MAPK10: variants seen among roughly 807,000 people sequenced by gnomAD.
The protein encoded by MAPK10 is JNK3 alpha protein kinase.
MAPK10 carries 25 observed loss-of-function variants against 59.3 expected under a neutral mutation model. The observed-to-expected ratio is 0.42, with a 90% CI of 0.31 to 0.59. The LOEUF (loss-of-function observed/expected upper bound fraction) is 0.59. Among genes scored for constraint, MAPK10 ranks in the 20% least tolerant of loss-of-function variants. The probability of loss-of-function intolerance (pLI) is 0.15; values close to 1 mark genes in which losing one functional copy is unlikely to be tolerated. For missense variants in MAPK10, 351 were observed against 568.9 expected, an observed-to-expected ratio of 0.62 and a Z score of 3.90; for synonymous variants, 190 against 200.5, an observed-to-expected ratio of 0.95 and a Z score of 0.44.
chr4:86,552,395 C>G (rs1191267744), intron 1 of MAPK10, among the ~76,000 whole-genome samples: 1 of 146,984 alleles, frequency 6.8e-6, no homozygotes, highest in Non-Finnish European at 1.5e-5. Context: ...TAGTCCAGCC[C>G]AGGCAACAGA....
intron 9 of MAPK10, among the ~76,000 whole-genome samples, chr4:86,076,942 AATAAGT>A (rs1438675125): frequency 6.6e-6 from 1 of 152,176 alleles, no homozygotes; most frequent in African/African-American, 2.4e-5. Context: ...TCAGAAAAGC[AATAAGT>A]ATATTTTTTA....
intron 8 of MAPK10, 133 bp downstream of exon 8, chr4:86,100,919 A>AT: frequency 1.4e-6 from 1 of 702,268 alleles, no homozygotes; most frequent in Non-Finnish European, 2.3e-6. Flanking sequence ...TATTAAAAAA[A>AT]ACCCTGAATA....
rs138489945 is a variant in MAPK10 at position 86,330,504 on chromosome 4, T to C, written c.-7+24026A>G. Among the ~76,000 whole-genome samples the C allele has an allele frequency of 9.6e-3, 1,457 of 152,276 alleles. 21 individuals are homozygous for C. The highest frequency in any genetic ancestry group is 0.033 in the African/African-American group (1,356 of 41,556). The stretch of plus-strand genomic sequence containing the variant: ...ATGGGAGGGACCCAGTGGGAGGTAA[T>C]TGAATCATGGGGGCGGTTACCCCCA... On this transcript the variant is annotated intron_variant, in intron 2 of 13. Coordinates refer to ENST00000641462, the MANE Select transcript of MAPK10 (RefSeq NM_138982.4).
intron 2 of MAPK10, among the ~76,000 whole-genome samples, chr4:86,341,772 G>A (rs1725053942): frequency 6.7e-6 from 1 of 148,236 alleles, no homozygotes; most frequent in African/African-American, 2.5e-5. Flanking sequence ...ACCCCGATTA[G>A]GAAAAGAGAA....
Position 86,534,271 on chromosome 4 carries a change from A to G in MAPK10, c.-263+59639T>C, listed in dbSNP as rs1241405095. Among the ~76,000 whole-genome samples, 4 of 152,212 alleles carry G rather than the reference A, an allele frequency of 2.6e-5. No individual in the cohort carries two copies. In the East Asian group the frequency reaches 7.7e-4, roughly 29 times the overall value. ...CACAACACCAATACAGAAAAGACTT[A>G]GTTATAAAATTAACCACAGAATTTC... is the stretch of plus-strand genomic sequence containing the variant. On this transcript the variant is annotated intron_variant, in intron 1 of 4. Coordinates refer to the MAPK10 transcript ENST00000502302.
At chr4:86,516,700 T>C (rs938789717) in intron 1 of MAPK10, among the ~76,000 whole-genome samples, 1 of 152,210 alleles carries the variant, frequency 6.6e-6, no homozygotes, top group Non-Finnish European at 1.5e-5. Context: ...GTTGCATTCT[T>C]GATTTTTCAG....
At chr4:86,504,723 T>C (rs899135014) in intron 1 of MAPK10, among the ~76,000 whole-genome samples, 2 of 152,122 alleles carry the variant, frequency 1.3e-5, no homozygotes, top group South Asian at 2.1e-4. Flanking sequence ...CATCCTCCAA[T>C]TGATTTACTG....
chr4:86,372,564 G>GAAAGAAAGAAGGGAAAAGA, intron 1 of MAPK10, among the ~76,000 whole-genome samples: 1 of 78,690 alleles, frequency 1.3e-5, no homozygotes, highest in East Asian at 3.4e-4. Context: ...AAGAAAGAAA[G>GAAAGAAAGAAGGGAAAAGA]AAAGAAAAGA....
chr4:86,409,443 CA>C (rs1744835625), intron 1 of MAPK10, among the ~76,000 whole-genome samples: 1 of 152,092 alleles, frequency 6.6e-6, no homozygotes, highest in Non-Finnish European at 1.5e-5. Context: ...TGAAGAAAGT[CA>C]TTGGTAGCTT....
intron 2 of MAPK10, among the ~76,000 whole-genome samples, chr4:86,272,799 T>C (rs552837258): frequency 3.3e-5 from 5 of 152,210 alleles, no homozygotes; most frequent in African/African-American, 1.2e-4. Context: ...GCCCAAGCCA[T>C]AGGAGGTCTC....
chr4:86,558,502 G>T (rs541065890), intron 1 of MAPK10, among the ~76,000 whole-genome samples: 1 of 152,076 alleles, frequency 6.6e-6, no homozygotes, highest in East Asian at 1.9e-4. Flanking sequence ...GCCCAATGAC[G>T]TAGAATAAAT....
intron 7 of MAPK10, 57 bp from the exon 8 acceptor site, chr4:86,101,274 C>T: frequency 7.2e-7 from 1 of 1,386,878 alleles, no homozygotes; most frequent in Non-Finnish European, 1.0e-6. Context: ...AATGTTATTT[C>T]CATTGACTCA....
chr4:86,040,350 G>A (rs1233252201), intron 11 of MAPK10, among the ~76,000 whole-genome samples: 8 of 152,000 alleles, frequency 5.3e-5, no homozygotes, highest in Admixed American at 2.6e-4. Context: ...TCCTATTGCC[G>A]AATATAATGA....
chr4:86,514,977 A>T (rs1233580269), intron 1 of MAPK10, among the ~76,000 whole-genome samples: 1 of 152,108 alleles, frequency 6.6e-6, no homozygotes, highest in Admixed American at 6.6e-5. Flanking sequence ...CCCAATGTGT[A>T]GTCTTTTATT....
intron 1 of MAPK10, among the ~76,000 whole-genome samples, chr4:86,390,251 G>A (rs549376241): frequency 4.6e-5 from 7 of 152,244 alleles, no homozygotes; most frequent in Non-Finnish European, 1.0e-4. Flanking sequence ...TTATTCAATG[G>A]TAGAAAAGGA....
At chr4:86,313,658 AATAAG>A (rs1436132234) in intron 2 of MAPK10, among the ~76,000 whole-genome samples, 1 of 152,164 alleles carries the variant, frequency 6.6e-6, no homozygotes, top group Non-Finnish European at 1.5e-5. Flanking sequence ...TTAAAACCAC[AATAAG>A]ATATCTATAC....
chr4:86,384,305 AGG>A (rs1741172366), intron 1 of MAPK10: 1 of 152,200 alleles, frequency 6.6e-6, no homozygotes, highest in East Asian at 1.9e-4. Flanking sequence ...TTAAACAGAA[AGG>A]TTTGTGTATT....
intron 3 of MAPK10, among the ~76,000 whole-genome samples, chr4:86,167,088 T>C (rs144100430): frequency 4.9e-4 from 75 of 152,280 alleles, no homozygotes; most frequent in African/African-American, 1.6e-3. Flanking sequence ...GAGAATATTA[T>C]AAACACCTCT....
At chr4:86,414,444 C>T (rs1482594341) in intron 1 of MAPK10, among the ~76,000 whole-genome samples, 2 of 152,226 alleles carry the variant, frequency 1.3e-5, no homozygotes, top group Non-Finnish European at 2.9e-5. Flanking sequence ...GCACACCAAT[C>T]TCTACTTTTC....
Sources: gnomAD v4.1 joint callset for allele counts (sites outside exome capture counted in the v4.1 genomes callset) on GRCh38, gnomAD v4.1.1 for gene constraint, MANE v1.5 for transcripts, NCBI Gene and HGNC (gene_info 2026-07-23, HGNC 2026-07-21) for gene names.